The following ADGRL3 variants were observed in gnomAD, a reference collection of about 807,000 sequenced individuals.
ADGRL3 encodes the protein calcium-independent alpha-latrotoxin receptor 3.
In ADGRL3, 62 loss-of-function variants were observed where a neutral mutation model predicts 153.5. The ratio of observed to expected loss-of-function variants is 0.40; its 90% CI spans 0.33 to 0.50. The LOEUF (loss-of-function observed/expected upper bound fraction) is 0.50, where lower values mean the gene tolerates loss of function less well. ADGRL3 is among the 20% of genes least tolerant of loss of function. The probability of loss-of-function intolerance (pLI) is 0.47; values close to 1 mark genes in which losing one functional copy is unlikely to be tolerated. For synonymous variants in ADGRL3, 710 were observed against 672.5 expected, an observed-to-expected ratio of 1.06 and a Z score of -0.86; for missense variants, 1,641 against 1,859.4, an observed-to-expected ratio of 0.88 and a Z score of 2.16.
chr4:61,205,770 A>G (rs1246684102), intron 1 of ADGRL3, among the ~76,000 whole-genome samples: 1 of 152,162 alleles, frequency 6.6e-6, no homozygotes, highest in Non-Finnish European at 1.5e-5. Context: ...GTTGTTGATC[A>G]ATGGAGAGAA....
chr4:61,238,608 A>C (rs989635342), intron 1 of ADGRL3, among the ~76,000 whole-genome samples: 3 of 152,088 alleles, frequency 2.0e-5, no homozygotes, highest in African/African-American at 7.2e-5. Context: ...AATTACAGAC[A>C]GTCAGTGGAG....
chr4:61,945,903 G>A (rs960963161), intron 15 of ADGRL3, among the ~76,000 whole-genome samples: 5 of 152,116 alleles, frequency 3.3e-5, no homozygotes, highest in South Asian at 2.1e-4. Flanking sequence ...CTTCTGCGTC[G>A]CTCACGCTGG....
In ADGRL3 at chr4:62,070,882, C is replaced by T. The variant is rs1481687850; in HGVS notation, c.4606C>T (p.Pro1536Ser). 4 of 1,550,322 alleles carry T rather than the reference C, an allele frequency of 2.6e-6. No individual in the cohort carries two copies. In the African/African-American group the frequency reaches 5.5e-5, roughly 21 times the overall value. Residue 1536 changes from proline to serine, a missense_variant, in exon 27 of 27, where the codon CCG becomes TCG. Coordinates refer to ENST00000683033, the MANE Select transcript of ADGRL3 (RefSeq NM_001387552.1). ...CCCTCCCGAGGGAAGTTCAAAAGGA[C>T]CGGCTCATTTGGTCACTAGTCTATA... ...GTPPEGSSKG[P>S]AHLVTSL is the part of the protein sequence containing the mutation.
At chr4:61,704,959 C>T (rs1204021131) in intron 6 of ADGRL3, among the ~76,000 whole-genome samples, 1 of 152,170 alleles carries the variant, frequency 6.6e-6, no homozygotes, top group African/African-American at 2.4e-5. Context: ...TGCACAATAT[C>T]TGCACTGACT....
chr4:61,657,419 GTTTA>G (rs200760581), intron 5 of ADGRL3, among the ~76,000 whole-genome samples: 2,844 of 151,862 alleles, frequency 0.019, 75 homozygotes, highest in South Asian at 0.062. Flanking sequence ...GTAAATAAAT[GTTTA>G]TTTATCATTT....
At chr4:61,627,099 G>A (rs888325339) in intron 5 of ADGRL3, among the ~76,000 whole-genome samples, 1 of 151,976 alleles carries the variant, frequency 6.6e-6, no homozygotes, top group Non-Finnish European at 1.5e-5. Flanking sequence ...TATTGCCTCT[G>A]ATTAATATTT....
chr4:61,636,428 T>C (rs934530928), intron 5 of ADGRL3, among the ~76,000 whole-genome samples: 4 of 152,134 alleles, frequency 2.6e-5, no homozygotes, highest in Non-Finnish European at 4.4e-5. Context: ...TCAGATGCAG[T>C]GGAAGCCAGG....
intron 17 of ADGRL3, among the ~76,000 whole-genome samples, chr4:61,971,089 A>T (rs1376292459): frequency 6.6e-6 from 1 of 152,086 alleles, no homozygotes; most frequent in Non-Finnish European, 1.5e-5. Context: ...TATATTACAA[A>T]TATTTCAGAA....
At chr4:61,955,700 C>G (rs1363017880) in intron 17 of ADGRL3, among the ~76,000 whole-genome samples, 1 of 152,092 alleles carries the variant, frequency 6.6e-6, no homozygotes, top group Admixed American at 6.6e-5. Flanking sequence ...CCCAATCCCA[C>G]AACAGGGCCT....
chr4:61,853,604 TC>T (rs777193004), intron 9 of ADGRL3, among the ~76,000 whole-genome samples: 20 of 152,196 alleles, frequency 1.3e-4, no homozygotes, highest in Non-Finnish European at 2.6e-4. Context: ...GAAGAACATT[TC>T]CCCCGTAGAG....
At chr4:61,694,185 T>A (rs61687933) in intron 6 of ADGRL3, among the ~76,000 whole-genome samples, 9 of 8,446 alleles carry the variant, frequency 1.1e-3, no homozygotes, top group East Asian at 3.6e-3. Flanking sequence ...CATTATTTTT[T>A]TTTTTTTTTT....
intron 9 of ADGRL3, among the ~76,000 whole-genome samples, chr4:61,875,128 A>G (rs1385530110): frequency 6.6e-6 from 1 of 152,022 alleles, no homozygotes; most frequent in African/African-American, 2.4e-5. Flanking sequence ...TTTTATAGTC[A>G]ACACACAAAA....
At chr4:61,294,371 T>C (rs2094332542) in intron 1 of ADGRL3, among the ~76,000 whole-genome samples, 1 of 152,196 alleles carries the variant, frequency 6.6e-6, no homozygotes, top group Non-Finnish European at 1.5e-5. Flanking sequence ...TGCCCAACTG[T>C]AGGCAAATTT....
At chr4:62,049,840 G>A (rs969652678) in intron 25 of ADGRL3, among the ~76,000 whole-genome samples, 11 of 151,978 alleles carry the variant, frequency 7.2e-5, no homozygotes, top group African/African-American at 2.7e-4. Flanking sequence ...AACTTCTCAG[G>A]GTCTATGCAA....
chr4:61,494,956 C>A (rs1042948260), intron 2 of ADGRL3, among the ~76,000 whole-genome samples: 1 of 152,062 alleles, frequency 6.6e-6, no homozygotes, highest in Non-Finnish European at 1.5e-5. Flanking sequence ...TACCACATGC[C>A]AGCACTGTTC....
At chr4:61,658,302 A>C (rs1220364395) in intron 5 of ADGRL3, among the ~76,000 whole-genome samples, 1 of 152,134 alleles carries the variant, frequency 6.6e-6, no homozygotes, top group Non-Finnish European at 1.5e-5. Context: ...TTTCTACAAA[A>C]ATGACAGGCT....
At chr4:61,203,984 T>G (rs1165676044) in intron 1 of ADGRL3, among the ~76,000 whole-genome samples, 1 of 152,152 alleles carries the variant, frequency 6.6e-6, no homozygotes, top group African/African-American at 2.4e-5. Flanking sequence ...AAAGTGTTAC[T>G]TTTGCAAGTG....
intron 9 of ADGRL3, among the ~76,000 whole-genome samples, chr4:61,816,673 C>A (rs958140329): frequency 1.4e-4 from 22 of 152,214 alleles, no homozygotes; most frequent in African/African-American, 5.1e-4. Flanking sequence ...AATGGCCAGG[C>A]AAGGGGCTCA....
intron 1 of ADGRL3, among the ~76,000 whole-genome samples, chr4:61,257,364 A>G (rs1317978343): frequency 6.6e-6 from 1 of 152,208 alleles, no homozygotes; most frequent in Non-Finnish European, 1.5e-5. Context: ...AAGAAAGAAG[A>G]CAATTATTCA....
Sources: gnomAD v4.1 joint callset for allele counts (sites outside exome capture counted in the v4.1 genomes callset) on GRCh38, gnomAD v4.1.1 for gene constraint, MANE v1.5 for transcripts, NCBI Gene and HGNC (gene_info 2026-07-23, HGNC 2026-07-21) for gene names.